The following ESRRG variants were observed in gnomAD, a reference collection of about 807,000 sequenced individuals.
The protein encoded by ESRRG is estrogen-related receptor gamma.
A neutral mutation model predicts 44.0 loss-of-function variants in ESRRG; 13 were observed. That is an observed-to-expected ratio of 0.30 (90% confidence interval 0.19 to 0.47). The LOEUF (loss-of-function observed/expected upper bound fraction) is 0.47, where lower values mean the gene tolerates loss of function less well. Among genes scored for constraint, ESRRG ranks in the 20% least tolerant of loss-of-function variants. The pLI is 1.00. For synonymous variants in ESRRG, 215 were observed against 214.6 expected, an observed-to-expected ratio of 1.00 and a Z score of -0.02; for missense variants, 395 against 580.6, an observed-to-expected ratio of 0.68 and a Z score of 3.29.
intron 1 of ESRRG, among the ~76,000 whole-genome samples, chr1:216,706,303 A>C (rs2151924560): frequency 6.6e-6 from 1 of 152,294 alleles, no homozygotes; most frequent in Non-Finnish European, 1.5e-5. Context: ...TATTTTGCAA[A>C]AAAACCCACA....
At chr1:217,092,209 C>G (rs1375031502), upstream of ESRRG, among the ~76,000 whole-genome samples, 4 of 152,178 alleles carry the variant, frequency 2.6e-5, no homozygotes, top group East Asian at 7.7e-4. Context: ...CTGCAGACTA[C>G]TTTCAAGTCT....
rs868151196 is a variant in ESRRG at position 216,945,183 on chromosome 1, A to G, written c.-105-5510T>C. Among the ~76,000 whole-genome samples, 6 of 152,270 alleles carry G rather than the reference A, an allele frequency of 3.9e-5. No homozygotes were observed. In the South Asian group the frequency reaches 1.2e-3, roughly 32 times the overall value. Reference sequence around the variant, plus strand: ...ACCCTCTGCTCTCAACCAAGGAGGCAAAGAAACAAAAGGGGAGGGAAAAGT... The same window carrying G: ...ACCCTCTGCTCTCAACCAAGGAGGCGAAGAAACAAAAGGGGAGGGAAAAGT... On this transcript the variant is annotated intron_variant, in intron 1 of 7. Coordinates refer to the ESRRG transcript ENST00000359162.
At chr1:216,952,326 C>T (rs2067109153) in intron 1 of ESRRG, among the ~76,000 whole-genome samples, 2 of 152,048 alleles carry the variant, frequency 1.3e-5, no homozygotes, top group South Asian at 4.1e-4. Flanking sequence ...AGATAGTGGC[C>T]CTCATAGCTA....
intron 2 of ESRRG, among the ~76,000 whole-genome samples, chr1:216,879,426 C>T (rs898765228): frequency 3.3e-5 from 5 of 149,792 alleles, no homozygotes; most frequent in South Asian, 4.2e-4. Flanking sequence ...GCTAGGCTGT[C>T]CCAGTTTCAT....
chr1:217,027,174 A>G (rs1198455438), intron 1 of ESRRG, among the ~76,000 whole-genome samples: 1 of 152,194 alleles, frequency 6.6e-6, no homozygotes, highest in Non-Finnish European at 1.5e-5. Context: ...ACTGTCCCCA[A>G]GAACAACTTC....
chr1:216,691,108 G>A (rs2078976978), intron 1 of ESRRG, among the ~76,000 whole-genome samples: 1 of 152,150 alleles, frequency 6.6e-6, no homozygotes, highest in Non-Finnish European at 1.5e-5. Flanking sequence ...ATGTGTCAGT[G>A]TAAGCCAGTC....
At chr1:216,870,698 G>A (rs1577454263) in intron 2 of ESRRG, among the ~76,000 whole-genome samples, 1 of 152,070 alleles carries the variant, frequency 6.6e-6, no homozygotes, top group East Asian at 1.9e-4. Context: ...GTATTGGTTT[G>A]CCTATGTTAT....
chr1:216,530,133 A>AG (rs901855480), intron 5 of ESRRG, among the ~76,000 whole-genome samples: 78 of 135,970 alleles, frequency 5.7e-4, no homozygotes, highest in African/African-American at 1.9e-3. Context: ...AAAAAAAAAA[A>AG]GGGGGTGGGG....
chr1:216,521,555 T>C (rs1372540457), intron 5 of ESRRG, among the ~76,000 whole-genome samples: 1 of 152,170 alleles, frequency 6.6e-6, no homozygotes, highest in Non-Finnish European at 1.5e-5. Flanking sequence ...TCGCAGTTTC[T>C]CTGCAGCAGC....
intron 1 of ESRRG, among the ~76,000 whole-genome samples, chr1:217,109,129 C>T (rs1320603282): frequency 6.6e-6 from 1 of 152,012 alleles, no homozygotes; most frequent in African/African-American, 2.4e-5. Context: ...TGAACAACAC[C>T]AAATGTATGA....
chr1:216,698,906 A>G (rs2080835034), intron 1 of ESRRG, among the ~76,000 whole-genome samples: 2 of 152,146 alleles, frequency 1.3e-5, no homozygotes, highest in African/African-American at 4.8e-5. Flanking sequence ...CCACATGTAC[A>G]TATTTCTCTC....
chr1:217,046,981 A>G (rs956960415), intron 1 of ESRRG, among the ~76,000 whole-genome samples: 3 of 152,122 alleles, frequency 2.0e-5, no homozygotes, highest in African/African-American at 4.8e-5. Flanking sequence ...CTGATTGAAT[A>G]TATTAACATA....
At chr1:217,012,285 A>T (rs2078736270) in intron 1 of ESRRG, among the ~76,000 whole-genome samples, 1 of 152,176 alleles carries the variant, frequency 6.6e-6, no homozygotes, top group Non-Finnish European at 1.5e-5. Flanking sequence ...GATTTTAATA[A>T]AACTTGAAAG....
chr1:216,991,970 T>C (rs2075780241), intron 1 of ESRRG, among the ~76,000 whole-genome samples: 1 of 152,312 alleles, frequency 6.6e-6, no homozygotes, highest in Admixed American at 6.5e-5. Flanking sequence ...TGGGCTGTGA[T>C]TTTTCATCCC....
chr1:216,797,218 A>G (rs78310353), intron 2 of ESRRG, among the ~76,000 whole-genome samples: 14,128 of 152,194 alleles, frequency 0.093, 933 homozygotes, highest in African/African-American at 0.18. Context: ...GCATTAGGAT[A>G]GTACATTTGC....
chr1:216,937,759 A>G (rs775398182), intron 2 of ESRRG, among the ~76,000 whole-genome samples: 3 of 152,218 alleles, frequency 2.0e-5, no homozygotes, highest in South Asian at 2.1e-4. Flanking sequence ...TGCAGGGGAA[A>G]GAGCATCGCT....
chr1:216,914,459 A>C (rs185410437), intron 2 of ESRRG, among the ~76,000 whole-genome samples: 1 of 152,288 alleles, frequency 6.6e-6, no homozygotes, highest in African/African-American at 2.4e-5. Context: ...CATTTTTCAA[A>C]CCATCAGTGG....
chr1:216,726,494 G>A (rs2087546229), upstream of ESRRG, among the ~76,000 whole-genome samples: 1 of 152,094 alleles, frequency 6.6e-6, no homozygotes, highest in African/African-American at 2.4e-5. Flanking sequence ...GTAATACTGA[G>A]CTTAAACCTT....
Position 216,868,976 on chromosome 1 carries a change from C to T in ESRRG, c.-14+70606G>A, listed in dbSNP as rs139645300. Reference sequence around the variant, plus strand: ...TTTACTCTTGTTATGAGAGCTTTGTCGGCTATGTGCTTTGCAAATATTTCC... The same window carrying T: ...TTTACTCTTGTTATGAGAGCTTTGTTGGCTATGTGCTTTGCAAATATTTCC... On this transcript the variant is annotated intron_variant, in intron 2 of 7. Coordinates refer to the ESRRG transcript ENST00000359162. Among the ~76,000 whole-genome samples the T allele has an allele frequency of 7.9e-3, 1,207 of 152,210 alleles. 6 individuals carry two copies. Among genetic ancestry groups the T allele is most frequent in the Non-Finnish European group, 8.0e-3 (542 of 68,006 alleles).
Sources: gnomAD v4.1 joint callset for allele counts (sites outside exome capture counted in the v4.1 genomes callset) on GRCh38, gnomAD v4.1.1 for gene constraint, MANE v1.5 for transcripts, NCBI Gene and HGNC (gene_info 2026-07-23, HGNC 2026-07-21) for gene names.